LPIN2: variants seen among roughly 807,000 people sequenced by gnomAD.
LPIN2 encodes the protein lipin 2.
LPIN2 carries 55 observed loss-of-function variants against 111.4 expected under a neutral mutation model. That is an observed-to-expected ratio of 0.49 (90% CI 0.40 to 0.62). LPIN2 has a LOEUF of 0.62. LPIN2 is among the 20% of genes least tolerant of loss of function. The probability of loss-of-function intolerance (pLI) is 0.00; values close to 1 mark genes in which losing one functional copy is unlikely to be tolerated. For synonymous variants in LPIN2, 425 were observed against 414.0 expected, an observed-to-expected ratio of 1.03 and a Z score of -0.32; for missense variants, 992 against 1,112.1, an observed-to-expected ratio of 0.89 and a Z score of 1.54.
chr18:2,996,728 C>T (rs997481393), intron 1 of LPIN2, among the ~76,000 whole-genome samples: 2 of 152,002 alleles, frequency 1.3e-5, no homozygotes, highest in African/African-American at 4.8e-5. Context: ...CCACCCACCT[C>T]GGCCTTCCAA....
At chr18:2,986,299 T>C (rs2078184499) in intron 1 of LPIN2, among the ~76,000 whole-genome samples, 3 of 152,192 alleles carry the variant, frequency 2.0e-5, no homozygotes, top group Non-Finnish European at 4.4e-5. Context: ...TTTCATAATA[T>C]CCTCATATAA....
At chr18:2,992,731 C>G (rs1163977051) in intron 1 of LPIN2, among the ~76,000 whole-genome samples, 14 of 152,086 alleles carry the variant, frequency 9.2e-5, no homozygotes, top group South Asian at 4.2e-4. Context: ...TGCCTGTAAT[C>G]CCAGCACTTT....
At position 2,926,731 on chromosome 18, in the gene LPIN2, G is replaced by A. The variant is rs775141304; in HGVS notation, c.1785C>T (p.Ala595=). 12 of 1,612,570 alleles carry A rather than the reference G, an allele frequency of 7.4e-6. No individual in the cohort carries two copies. The highest frequency in any genetic ancestry group is 1.6e-4 in the Middle Eastern group (1 of 6,084). Residue 595 remains alanine (A), a synonymous_variant, in exon 13 of 20, where the codon GCC becomes GCT. Transcript: ENST00000677752. The stretch of plus-strand genomic sequence containing the variant: ...GAGGACAGGGCACCCACCTGGCACC[G>A]GCCGGCTCCTTGGAGCTGGATGGCA... The part of the protein sequence containing the change: ...SDLPSSSKEP[A]GARPAENDSS...
intron 1 of LPIN2, among the ~76,000 whole-genome samples, 196 bp downstream of exon 1, chr18:3,012,891 G>GGCGGGGACTGGGACGCGAGGACCGGGAA (rs2078631158): frequency 1.3e-5 from 2 of 151,544 alleles, no homozygotes; most frequent in African/African-American, 4.8e-5. Flanking sequence ...GTCGCGGCGA[G>GGCGGGGACTGGGACGCGAGGACCGGGAA]GCGGGGACTG....
At chr18:2,992,009 A>AT in intron 1 of LPIN2, among the ~76,000 whole-genome samples, 1 of 64 alleles carries the variant, frequency 0.016, no homozygotes, top group Non-Finnish European at 0.038. Flanking sequence ...CTCCATCTCA[A>AT]AAAAAAAAAA....
intron 4 of LPIN2, among the ~76,000 whole-genome samples, chr18:2,942,843 G>A (rs914883976): frequency 2.0e-5 from 3 of 152,236 alleles, no homozygotes; most frequent in African/African-American, 7.2e-5. Flanking sequence ...AACAAACTAA[G>A]CACGTGACGT....
rs1568509003 is a variant in LPIN2, at chr18:2,922,216, CCT to C, written c.2175-19_2175-18del. The stretch of plus-strand genomic sequence containing the variant: ...TAGCCATTCCTGAAAGAAAACACAC[CCT>C]GTTAGCCCACATGTTCTGGCTAAGG... On this transcript the variant is annotated intron_variant, in intron 16 of 19. Coordinates refer to ENST00000677752, the MANE Select transcript of LPIN2 (RefSeq NM_001375808.2). The C allele has an allele frequency of 6.2e-6, 10 of 1,613,800 alleles. No individual in the cohort carries two copies. Among genetic ancestry groups the C allele is most frequent in the South Asian group, 2.2e-5 (2 of 91,074 alleles).
At chr18:2,995,316 C>T (rs1304616542) in intron 1 of LPIN2, among the ~76,000 whole-genome samples, 3 of 152,178 alleles carry the variant, frequency 2.0e-5, no homozygotes, top group Non-Finnish European at 4.4e-5. Flanking sequence ...AATCTAAATG[C>T]TTCAATCATC....
intron 1 of LPIN2, among the ~76,000 whole-genome samples, chr18:2,970,402 A>G (rs1033435857): frequency 2.6e-5 from 4 of 152,242 alleles, no homozygotes; most frequent in African/African-American, 9.6e-5. Context: ...ATGGAGAGCC[A>G]AGGCCACCCA....
intron 8 of LPIN2, 99 bp from the exon 9 acceptor site, chr18:2,931,542 C>A: frequency 1.7e-6 from 2 of 1,187,762 alleles, no homozygotes; most frequent in Middle Eastern, 5.4e-4. Flanking sequence ...AATAACACAT[C>A]CGCTAAAAAG....
chr18:2,999,350 A>ACCAG (rs1487249188), intron 1 of LPIN2, among the ~76,000 whole-genome samples: 2 of 151,668 alleles, frequency 1.3e-5, no homozygotes, highest in Non-Finnish European at 2.9e-5. Context: ...TAATCCCAGC[A>ACCAG]CTCTGGGAGG....
In LPIN2 at chr18:2,920,188, G is replaced by A. The variant is rs373738909; in HGVS notation, c.*105C>T. On this transcript the variant is annotated 3_prime_UTR_variant, in exon 20 of 20. Coordinates refer to ENST00000677752, the MANE Select transcript of LPIN2 (RefSeq NM_001375808.2). ...GGCGGGACCAGCTCCAGAAGCACCC[G>A]TCCCCGCTGGGGAAGGCTGGTATCT... 346 of 1,487,262 alleles carry A rather than the reference G, an allele frequency of 2.3e-4. 1 individual carries two copies. Among genetic ancestry groups the A allele is most frequent in the South Asian group, 2.2e-3 (191 of 87,702 alleles). The allele number at this position is 1,487,262 out of a possible 1,614,324, so 92.1% of individuals were successfully genotyped here.
At chr18:2,959,853 A>C (rs2143192203) in intron 2 of LPIN2, among the ~76,000 whole-genome samples, 1 of 152,242 alleles carries the variant, frequency 6.6e-6, no homozygotes, top group African/African-American at 2.4e-5. Context: ...TGTGGCATTA[A>C]TTAATTTCCT....
At chr18:2,984,984 G>C (rs1318316845) in intron 1 of LPIN2, 3 of 152,460 alleles carry the variant, frequency 2.0e-5, no homozygotes, top group Non-Finnish European at 4.4e-5. Context: ...AGCAACTCTT[G>C]CCTACAATGC....
rs961325257 is a variant in LPIN2 at position 2,928,487 on chromosome 18, A to G, written c.1620+104T>C. On this transcript the variant is annotated intron_variant, in intron 11 of 19. Coordinates refer to ENST00000677752, the MANE Select transcript of LPIN2 (RefSeq NM_001375808.2). The stretch of plus-strand genomic sequence containing the variant: ...TATATTAAATATTAAGCTCAAGTAA[A>G]ACTTTGAATAGTACCCAGTTCAGAA... The G allele has an allele frequency of 8.0e-6, 9 of 1,119,188 alleles. No individual in the cohort carries two copies. The African/African-American group carries it at 1.2e-4, about 15-fold the overall frequency. 69.3% of individuals were successfully genotyped at this position (1,119,188 alleles called of 1,614,324 possible).
intron 1 of LPIN2, among the ~76,000 whole-genome samples, chr18:3,000,911 A>C (rs587721): frequency 6.8e-6 from 1 of 147,800 alleles, no homozygotes; most frequent in Admixed American, 6.8e-5. Context: ...TTTAAAAAGA[A>C]ACAAAGAAAG....
chr18:2,938,818 C>T (rs2077328037), intron 6 of LPIN2, among the ~76,000 whole-genome samples: 1 of 152,124 alleles, frequency 6.6e-6, no homozygotes, highest in Non-Finnish European at 1.5e-5. Context: ...TTTCTTCTTT[C>T]ATTATGAGCT....
At chr18:2,994,991 A>T (rs755646888) in intron 1 of LPIN2, among the ~76,000 whole-genome samples, 1 of 152,144 alleles carries the variant, frequency 6.6e-6, no homozygotes, top group African/African-American at 2.4e-5. Flanking sequence ...CACTTGATAC[A>T]GACCTCCAGG....
chr18:2,995,630 G>A (rs2078328899), intron 1 of LPIN2, among the ~76,000 whole-genome samples: 1 of 152,162 alleles, frequency 6.6e-6, no homozygotes, highest in African/African-American at 2.4e-5. Context: ...AAAAATGAGT[G>A]TCAATACCAC....
Sources: allele counts gnomAD v4.1 joint callset (sites outside exome capture counted in the v4.1 genomes callset), GRCh38; gene constraint gnomAD v4.1.1; transcripts MANE v1.5; gene names NCBI Gene and HGNC (gene_info 2026-07-23, HGNC 2026-07-21).